DIAPH3: variants seen among roughly 807,000 people sequenced by gnomAD.
The protein encoded by DIAPH3 is diaphanous related formin 3.
A neutral mutation model predicts 144.3 loss-of-function variants in DIAPH3; 117 were observed. That is an observed-to-expected ratio of 0.81 (90% CI 0.70 to 0.95). The LOEUF (loss-of-function observed/expected upper bound fraction) is 0.95. Ranked by LOEUF, DIAPH3 falls within the 40% of genes least tolerant of loss-of-function variation. DIAPH3 has a pLI of 0.00. For synonymous variants in DIAPH3, 519 were observed against 488.9 expected (o/e 1.06, Z -0.81); for missense variants, 1,421 against 1,412.7 (o/e 1.01, Z -0.09).
chr13:60,009,929 G>A (rs2053132095), intron 8 of DIAPH3, among the ~76,000 whole-genome samples: 1 of 151,988 alleles, frequency 6.6e-6, no homozygotes, highest in Non-Finnish European at 1.5e-5. Context: ...CTGATAATTA[G>A]AACCCTAATT....
rs1411683461 is a variant in DIAPH3, at chr13:59,923,231, C to T, written c.2170+1544G>A. On this transcript the variant is annotated intron_variant, in intron 18 of 27. Transcript: ENST00000400324. ...AATTCTATTAAACATTATATTTCTT[C>T]GGGAACTATTACAAGACTATTTAGA... Among the ~76,000 whole-genome samples, 5 of 152,210 alleles carry T rather than the reference C, an allele frequency of 3.3e-5. No individual in the cohort carries two copies. In the East Asian group the frequency reaches 5.8e-4, roughly 18 times the overall value.
intron 4 of DIAPH3, among the ~76,000 whole-genome samples, chr13:60,061,644 A>C (rs1249756813): frequency 6.7e-6 from 1 of 150,168 alleles, no homozygotes; most frequent in Admixed American, 6.6e-5. Flanking sequence ...TGTAAGAAGG[A>C]AACTAAACAC....
chr13:60,044,478 AT>A (rs1213324776), intron 4 of DIAPH3: 1 of 152,182 alleles, frequency 6.6e-6, no homozygotes. Context: ...ACATCCGATT[AT>A]TTTTACCGCA....
chr13:59,920,789 T>C (rs957650711), intron 18 of DIAPH3, among the ~76,000 whole-genome samples: 1 of 151,728 alleles, frequency 6.6e-6, no homozygotes, highest in Non-Finnish European at 1.5e-5. Flanking sequence ...AGAATAAACA[T>C]CCTTCTCTCA....
At chr13:59,748,472 C>G (rs1364660759) in intron 27 of DIAPH3, among the ~76,000 whole-genome samples, 1 of 152,054 alleles carries the variant, frequency 6.6e-6, no homozygotes, top group Non-Finnish European at 1.5e-5. Context: ...TATGGGAGAC[C>G]CAACCATGTT....
intron 20 of DIAPH3, among the ~76,000 whole-genome samples, chr13:59,888,949 T>C (rs910460701): frequency 2.6e-5 from 4 of 152,098 alleles, no homozygotes; most frequent in African/African-American, 9.7e-5. Flanking sequence ...CTATTACTTC[T>C]ATGAAGCCAG....
intron 27 of DIAPH3, among the ~76,000 whole-genome samples, chr13:59,724,363 T>C (rs143946437): frequency 6.6e-6 from 1 of 152,310 alleles, no homozygotes; most frequent in African/African-American, 2.4e-5. Flanking sequence ...CTAAAGAATT[T>C]AAGACACCTG....
intron 25 of DIAPH3, among the ~76,000 whole-genome samples, chr13:59,790,652 T>A (rs984896059): frequency 6.6e-6 from 1 of 150,736 alleles, no homozygotes; most frequent in Non-Finnish European, 1.5e-5. Flanking sequence ...ACAGCAACAT[T>A]GTTTTGAAAA....
At chr13:59,979,614 C>G (rs921190366) in intron 14 of DIAPH3, among the ~76,000 whole-genome samples, 1 of 151,548 alleles carries the variant, frequency 6.6e-6, no homozygotes, top group African/African-American at 2.4e-5. Flanking sequence ...ACCTTAAGGC[C>G]CCTTAGGACA....
At chr13:59,761,069 C>A (rs1001017559) in intron 27 of DIAPH3, among the ~76,000 whole-genome samples, 1 of 152,130 alleles carries the variant, frequency 6.6e-6, no homozygotes, top group African/African-American at 2.4e-5. Context: ...ACTTGGGAAT[C>A]AATGAGACAT....
intron 24 of DIAPH3, among the ~76,000 whole-genome samples, chr13:59,811,605 C>G (rs983370539): frequency 1.3e-5 from 2 of 151,548 alleles, no homozygotes; most frequent in South Asian, 4.2e-4. Context: ...GGTGTGGTGG[C>G]GGGTGCCTGT....
chr13:60,069,136 G>A (rs187008881), intron 4 of DIAPH3, among the ~76,000 whole-genome samples: 5 of 152,024 alleles, frequency 3.3e-5, no homozygotes, highest in Admixed American at 2.0e-4. Context: ...TCACAACCTC[G>A]CCAGCACCAG....
intron 20 of DIAPH3, among the ~76,000 whole-genome samples, chr13:59,910,401 T>G (rs1040552028): frequency 6.6e-6 from 1 of 152,094 alleles, no homozygotes; most frequent in Non-Finnish European, 1.5e-5. Flanking sequence ...AAGTAAAAAC[T>G]TTTTTTGTTT....
chr13:59,831,145 T>C (rs1165115017), intron 24 of DIAPH3, among the ~76,000 whole-genome samples: 3 of 151,882 alleles, frequency 2.0e-5, no homozygotes, highest in African/African-American at 2.4e-5. Flanking sequence ...TGACATACTA[T>C]ATGTAAGGCA....
intron 26 of DIAPH3, 102 bp downstream of exon 26, chr13:59,774,626 G>A: frequency 9.1e-7 from 1 of 1,098,374 alleles, no homozygotes; most frequent in Admixed American, 1.9e-5. Flanking sequence ...GTTGCCCACG[G>A]CACTGCATTC....
intron 17 of DIAPH3, among the ~76,000 whole-genome samples, chr13:59,961,883 A>G (rs747649312): frequency 5.9e-5 from 9 of 152,198 alleles, no homozygotes; most frequent in Non-Finnish European, 1.2e-4. Context: ...AAATACATCA[A>G]TAATATGTTG....
intron 20 of DIAPH3, among the ~76,000 whole-genome samples, chr13:59,897,455 GA>G: frequency 6.6e-6 from 1 of 152,280 alleles, no homozygotes; most frequent in Admixed American, 6.5e-5. Context: ...AGTTCTTAAG[GA>G]AAGTGGGTGC....
intron 25 of DIAPH3, among the ~76,000 whole-genome samples, chr13:59,775,606 C>T (rs558476545): frequency 3.9e-5 from 6 of 152,240 alleles, no homozygotes; most frequent in Admixed American, 2.0e-4. Context: ...ATTATATTTC[C>T]ATGCTAACTT....
intron 27 of DIAPH3, among the ~76,000 whole-genome samples, chr13:59,692,409 A>ACCCCCCCAC (rs2033580025): frequency 7.0e-6 from 1 of 142,956 alleles, no homozygotes; most frequent in African/African-American, 2.6e-5. Flanking sequence ...GACACCCCCA[A>ACCCCCCCAC]CCCCCCCATC....
Sources: gnomAD v4.1 joint callset for allele counts (sites outside exome capture counted in the v4.1 genomes callset) on GRCh38, gnomAD v4.1.1 for gene constraint, MANE v1.5 for transcripts, NCBI Gene and HGNC (gene_info 2026-07-23, HGNC 2026-07-21) for gene names.